Variants in AOPEP observed in about 807,000 individuals in gnomAD.
The protein encoded by AOPEP is aminopeptidase O (putative).
Under a neutral mutation model 98.1 loss-of-function variants are expected in AOPEP, and 77 were observed. The observed-to-expected ratio is 0.78, with a 90% confidence interval of 0.65 to 0.95. AOPEP has a LOEUF of 0.95. Ranked by LOEUF, AOPEP falls within the 40% of genes least tolerant of loss-of-function variation. AOPEP has a pLI of 0.00. For synonymous variants in AOPEP, 346 were observed against 365.3 expected, an observed-to-expected ratio of 0.95 and a Z score of 0.60; for missense variants, 1,024 against 1,024.7, an observed-to-expected ratio of 1.00 and a Z score of 0.01.
chr9:95,005,203 C>A lies in AOPEP; in HGVS notation c.2023C>A (p.Arg675=). ...CGCCGGGGCGGAGTGCGGGCTTGCG[C>A]GGCAAGTGCGCGCCGAGGTGAGTGC... The part of the protein sequence containing the change: ...RRAGAECGLA[R]QVRAEVTKWI... The change falls in exon 12 of 17, where the codon CGG becomes AGG. Residue 675 remains arginine, a synonymous_variant. Coordinates refer to ENST00000375315, the MANE Select transcript of AOPEP (RefSeq NM_001193329.3). 8.8e-7 allele frequency: 1 copy of A among 1,130,318 alleles called. No homozygotes were observed. The highest frequency in any genetic ancestry group is 1.1e-6 in the Non-Finnish European group (1 of 921,640). The allele number at this position is 1,130,318 out of a possible 1,614,324, so 70.0% of individuals were successfully genotyped here. A position where few individuals can be genotyped will look rare whatever the true frequency, so the allele number is the denominator to read the frequency against.
At chr9:95,129,578 C>T in the AOPEP span, among the ~76,000 whole-genome samples, 1 of 152,166 alleles carries the variant, frequency 6.6e-6, no homozygotes, top group African/African-American at 2.4e-5. Context: ...ATTATCTTTT[C>T]TATAAAAGCG....
intron 13 of AOPEP, among the ~76,000 whole-genome samples, chr9:95,059,638 T>C (rs1393435438): frequency 6.6e-6 from 1 of 152,150 alleles, no homozygotes. Context: ...AAAATTGTTT[T>C]AGAACACCAG....
chr9:94,765,478 TAA>T (rs1186114674), intron 2 of AOPEP, among the ~76,000 whole-genome samples: 1 of 147,382 alleles, frequency 6.8e-6, no homozygotes, highest in Non-Finnish European at 1.5e-5. Flanking sequence ...ATAATAATAA[TAA>T]GTCACAGCTA....
intron 9 of AOPEP, among the ~76,000 whole-genome samples, chr9:94,959,444 A>G (rs966729585): frequency 1.3e-5 from 2 of 152,134 alleles, no homozygotes; most frequent in Admixed American, 6.5e-5. Context: ...CCCTCCATTG[A>G]ATTGCCTTGG....
intron 13 of AOPEP, chr9:95,019,247 T>A (rs1269626039): frequency 6.6e-6 from 1 of 152,242 alleles, no homozygotes; most frequent in African/African-American, 2.4e-5. Context: ...TCAGAGCAAC[T>A]GTATTGTTTT....
At chr9:94,776,671 C>G (rs1842173415) in intron 3 of AOPEP, among the ~76,000 whole-genome samples, 1 of 152,214 alleles carries the variant, frequency 6.6e-6, no homozygotes, top group Admixed American at 6.5e-5. Context: ...ACCAATATCT[C>G]TGGAATTCAT....
chr9:95,105,030 C>T, the AOPEP span, among the ~76,000 whole-genome samples: 4 of 152,346 alleles, frequency 2.6e-5, no homozygotes, highest in African/African-American at 9.6e-5. Flanking sequence ...TATAAGAGTA[C>T]ACAATAGATT....
At chr9:94,906,099 T>C (rs1226886764) in intron 5 of AOPEP, among the ~76,000 whole-genome samples, 4 of 152,146 alleles carry the variant, frequency 2.6e-5, no homozygotes, top group Non-Finnish European at 5.9e-5. Flanking sequence ...CCCAACACTT[T>C]GGGAGGCTGA....
intron 13 of AOPEP, among the ~76,000 whole-genome samples, chr9:95,059,607 G>A (rs534215832): frequency 6.6e-6 from 1 of 152,294 alleles, no homozygotes; most frequent in African/African-American, 2.4e-5. Context: ...GAGGAGCAGG[G>A]AGGGAAACCA....
intron 7 of AOPEP, among the ~76,000 whole-genome samples, chr9:94,934,224 C>G (rs932169491): frequency 1.3e-5 from 2 of 152,096 alleles, no homozygotes; most frequent in Non-Finnish European, 2.9e-5. Flanking sequence ...GGACCTGGCT[C>G]TGTCGTCACC....
At chr9:94,867,019 TGG>T (rs1472301682) in intron 5 of AOPEP, among the ~76,000 whole-genome samples, 2 of 152,242 alleles carry the variant, frequency 1.3e-5, no homozygotes, top group Non-Finnish European at 2.9e-5. Context: ...TATGATGCTA[TGG>T]GAAGCTAATC....
At chr9:94,967,583 C>T (rs540141314) in intron 9 of AOPEP, among the ~76,000 whole-genome samples, 175 bp from the exon 10 acceptor site, 4 of 152,226 alleles carry the variant, frequency 2.6e-5, no homozygotes, top group Non-Finnish European at 5.9e-5. Context: ...TTCAATGATT[C>T]GATTGAAACC....
intron 9 of AOPEP, 33 bp downstream of exon 9, chr9:94,956,048 A>T (rs1485770534): frequency 8.0e-7 from 1 of 1,249,666 alleles, no homozygotes; most frequent in Non-Finnish European, 1.2e-6. Flanking sequence ...TCCATGATGT[A>T]TGACTGGAGG....
chr9:94,812,545 A>T (rs768602209), intron 5 of AOPEP, among the ~76,000 whole-genome samples: 2 of 152,052 alleles, frequency 1.3e-5, no homozygotes, highest in Admixed American at 1.3e-4. Context: ...GGGATTTCCC[A>T]GTTAGAATGC....
chr9:94,914,031 G>C (rs985788871), intron 5 of AOPEP, among the ~76,000 whole-genome samples: 3 of 152,134 alleles, frequency 2.0e-5, no homozygotes, highest in African/African-American at 7.2e-5. Context: ...CCATAAATAG[G>C]AATTCTTCAT....
the AOPEP span, among the ~76,000 whole-genome samples, chr9:95,129,369 A>G: frequency 2.0e-5 from 3 of 152,188 alleles, no homozygotes; most frequent in Admixed American, 6.5e-5. Context: ...TATCAAGATA[A>G]TCTTCCAAAT....
the AOPEP span, among the ~76,000 whole-genome samples, chr9:95,124,536 C>T: frequency 2.0e-5 from 3 of 152,146 alleles, no homozygotes; most frequent in Non-Finnish European, 2.9e-5. Context: ...ACACACCTCC[C>T]GCTCACTGCC....
intron 6 of AOPEP, among the ~76,000 whole-genome samples, chr9:94,924,592 G>A (rs1292316241): frequency 6.6e-6 from 1 of 152,194 alleles, no homozygotes; most frequent in Non-Finnish European, 1.5e-5. Flanking sequence ...GTATGTGTGT[G>A]TGTTTTAAAT....
intron 5 of AOPEP, among the ~76,000 whole-genome samples, chr9:94,916,218 G>A (rs367775471): frequency 6.6e-6 from 1 of 152,106 alleles, no homozygotes; most frequent in Non-Finnish European, 1.5e-5. Context: ...AAACATCATC[G>A]CCCTGATTGG....
Sources: gnomAD v4.1 joint callset for allele counts (sites outside exome capture counted in the v4.1 genomes callset) on GRCh38, gnomAD v4.1.1 for gene constraint, MANE v1.5 for transcripts, NCBI Gene and HGNC (gene_info 2026-07-23, HGNC 2026-07-21) for gene names.